Variants in MTRF1 observed in about 807,000 individuals in gnomAD.
MTRF1 encodes mitochondrial translation release factor 1, also known as peptide chain release factor 1, mitochondrial.
Under a neutral mutation model 62.9 loss-of-function variants are expected in MTRF1, and 51 were observed. That is an observed-to-expected ratio of 0.81 (90% CI 0.65 to 1.02). MTRF1 has a LOEUF of 1.02. Among genes scored for constraint, MTRF1 ranks in the 50% least tolerant of loss-of-function variants. The probability of loss-of-function intolerance (pLI) is 0.00; values close to 1 mark genes in which losing one functional copy is unlikely to be tolerated. For synonymous variants in MTRF1, 158 were observed against 181.9 expected (o/e 0.87, Z 1.06); for missense variants, 446 against 530.0 (o/e 0.84, Z 1.56).
At chr13:41,229,337 A>ATTC in intron 7 of MTRF1, 1 of 152,358 alleles carries the variant, frequency 6.6e-6, no homozygotes, top group South Asian at 2.1e-4. Flanking sequence ...TGTTGTGAAC[A>ATTC]TTCAAAATCT....
the MTRF1 span, among the ~76,000 whole-genome samples, chr13:41,305,974 A>G: frequency 6.6e-6 from 1 of 152,242 alleles, no homozygotes; most frequent in Non-Finnish European, 1.5e-5. Context: ...AACTATGTAA[A>G]GAGAGAGAAC....
chr13:41,243,600 T>G (rs2037837180), intron 5 of MTRF1, among the ~76,000 whole-genome samples: 1 of 152,140 alleles, frequency 6.6e-6, no homozygotes, highest in African/African-American at 2.4e-5. Flanking sequence ...TGTCCTTCAC[T>G]GCTGACCCAT....
the MTRF1 span, among the ~76,000 whole-genome samples, chr13:41,305,629 A>G: frequency 2.0e-5 from 3 of 152,174 alleles, no homozygotes; most frequent in Non-Finnish European, 4.4e-5. Flanking sequence ...TCGTCATACC[A>G]ATCTTCTTCC....
chr13:41,259,851 C>T (rs1376958569), intron 2 of MTRF1, among the ~76,000 whole-genome samples: 1 of 152,134 alleles, frequency 6.6e-6, no homozygotes, highest in African/African-American at 2.4e-5. Flanking sequence ...ACTGTGCCTC[C>T]CTCTAGTAGA....
intron 9 of MTRF1, 60 bp downstream of exon 9, chr13:41,223,196 G>T: frequency 8.3e-7 from 1 of 1,210,618 alleles, no homozygotes; most frequent in South Asian, 1.4e-5. Flanking sequence ...ATATGTTCTA[G>T]AATTTGACTA....
intron 5 of MTRF1, among the ~76,000 whole-genome samples, chr13:41,245,508 T>C (rs938791629): frequency 6.6e-6 from 1 of 152,144 alleles, no homozygotes; most frequent in African/African-American, 2.4e-5. Context: ...CCTCCCAAAG[T>C]GCTGGGGAAT....
At chr13:41,241,830 C>A (rs960949067) in intron 5 of MTRF1, among the ~76,000 whole-genome samples, 2 of 152,218 alleles carry the variant, frequency 1.3e-5, no homozygotes, top group African/African-American at 4.8e-5. Context: ...CAGCTGGATG[C>A]AGACACTGGA....
chr13:41,302,886 A>G, the MTRF1 span, among the ~76,000 whole-genome samples: 1 of 152,172 alleles, frequency 6.6e-6, no homozygotes, highest in Admixed American at 6.5e-5. Context: ...AAAGTTGATT[A>G]TAAAATTTTG....
chr13:41,224,835 G>A (rs1431121372), intron 8 of MTRF1, among the ~76,000 whole-genome samples: 2 of 152,200 alleles, frequency 1.3e-5, no homozygotes, highest in Non-Finnish European at 2.9e-5. Flanking sequence ...AGGCAGTGAC[G>A]TCTTTTTTGG....
At chr13:41,260,375 C>T in intron 2 of MTRF1, 118 bp downstream of exon 2, 1 of 1,025,984 alleles carries the variant, frequency 9.7e-7, no homozygotes, top group Non-Finnish European at 1.4e-6. Context: ...AAAACAAAGA[C>T]TAAGTTCAAT....
At chr13:41,290,044 A>G in the MTRF1 span, among the ~76,000 whole-genome samples, 1 of 151,964 alleles carries the variant, frequency 6.6e-6, no homozygotes, top group African/African-American at 2.4e-5. Context: ...ACAGGAAGAA[A>G]CAAACTTATT....
chr13:41,271,091 A>AC, the MTRF1 span, among the ~76,000 whole-genome samples: 86 of 137,208 alleles, frequency 6.3e-4, no homozygotes, highest in African/African-American at 2.0e-3. Flanking sequence ...ACACACACAC[A>AC]CCCCATATAG....
At chr13:41,221,208 G>A (rs940560103) in intron 9 of MTRF1, among the ~76,000 whole-genome samples, 7 of 150,356 alleles carry the variant, frequency 4.7e-5, no homozygotes, top group South Asian at 2.1e-4. Flanking sequence ...CCAGGCTGGA[G>A]TGCGGTGGTG....
chr13:41,280,688 G>A, the MTRF1 span, among the ~76,000 whole-genome samples: 1 of 152,062 alleles, frequency 6.6e-6, no homozygotes, highest in Non-Finnish European at 1.5e-5. Flanking sequence ...TATGTTCTTA[G>A]GATCTCCTGA....
intron 5 of MTRF1, among the ~76,000 whole-genome samples, chr13:41,243,939 T>C (rs1040217836): frequency 2.6e-5 from 4 of 152,230 alleles, no homozygotes; most frequent in Non-Finnish European, 4.4e-5. Flanking sequence ...TTTCAAATGA[T>C]TGTACTATAT....
At chr13:41,257,821 G>A (rs2139164207) in intron 2 of MTRF1, 1 of 442,840 alleles carries the variant, frequency 2.3e-6, no homozygotes, top group South Asian at 1.6e-5. Flanking sequence ...AAAGGGGGAG[G>A]GGGAATAATC....
At chr13:41,218,766 CT>C (rs893692419) in intron 9 of MTRF1, among the ~76,000 whole-genome samples, 1 of 152,114 alleles carries the variant, frequency 6.6e-6, no homozygotes, top group African/African-American at 2.4e-5. Flanking sequence ...ATGAACTAAT[CT>C]TATAGTTAAG....
rs377526963 is a variant in MTRF1, at chr13:41,260,474, A to G, written c.415+19T>C. 3.9e-5 allele frequency: 62 copies of G among 1,600,336 alleles called. No individual in the cohort carries two copies. In the Middle Eastern group the frequency reaches 5.0e-4, roughly 13 times the overall value. On this transcript the variant is annotated intron_variant, in intron 2 of 9. Transcript: ENST00000379480. Reference sequence around the variant, plus strand: ...TTTTCATAGCCCTTATGCAGGACACATAAGTATCTTTTACCTACTTTTACA... The same window carrying G: ...TTTTCATAGCCCTTATGCAGGACACGTAAGTATCTTTTACCTACTTTTACA...
intron 8 of MTRF1, among the ~76,000 whole-genome samples, 172 bp from the exon 9 acceptor site, chr13:41,223,526 T>C (rs1031934346): frequency 6.7e-6 from 1 of 148,842 alleles, no homozygotes; most frequent in Admixed American, 6.7e-5. Flanking sequence ...TACTACAGGT[T>C]TGTAGAGCTC....
Sources: gnomAD v4.1 joint callset for allele counts (sites outside exome capture counted in the v4.1 genomes callset) on GRCh38, gnomAD v4.1.1 for gene constraint, MANE v1.5 for transcripts, NCBI Gene and HGNC (gene_info 2026-07-23, HGNC 2026-07-21) for gene names.